The following TMEM117 variants were observed in gnomAD, a reference collection of about 807,000 sequenced individuals.
TMEM117 encodes transmembrane protein 117.
Under a neutral mutation model 52.4 loss-of-function variants are expected in TMEM117, and 27 were observed. The observed-to-expected ratio is 0.51, with a 90% CI of 0.38 to 0.71. TMEM117 has a LOEUF of 0.71. TMEM117 is among the 30% of genes least tolerant of loss of function. TMEM117 has a pLI of 0.00. For synonymous variants in TMEM117, 215 were observed against 206.3 expected (o/e 1.04, Z -0.36); for missense variants, 556 against 630.5 (o/e 0.88, Z 1.26).
chr12:43,949,318 C>A (rs1022261871), intron 3 of TMEM117, among the ~76,000 whole-genome samples: 6 of 152,174 alleles, frequency 3.9e-5, no homozygotes, highest in African/African-American at 1.4e-4. Context: ...GGTTTTTATA[C>A]ATTGGAATGG....
At chr12:44,139,246 T>C (rs1479463198) in intron 3 of TMEM117, among the ~76,000 whole-genome samples, 4 of 152,142 alleles carry the variant, frequency 2.6e-5, no homozygotes, top group Non-Finnish European at 5.9e-5. Context: ...CTAAATCACC[T>C]GGCATTGACT....
At chr12:44,210,026 A>G (rs1949623992) in intron 4 of TMEM117, among the ~76,000 whole-genome samples, 2 of 152,174 alleles carry the variant, frequency 1.3e-5, no homozygotes, top group Non-Finnish European at 2.9e-5. Context: ...GCCACTGTTC[A>G]AAGCTATACT....
intron 6 of TMEM117, among the ~76,000 whole-genome samples, chr12:44,345,488 C>T (rs1357905054): frequency 6.6e-6 from 1 of 152,018 alleles, no homozygotes; most frequent in Admixed American, 6.6e-5. Flanking sequence ...ACAGATAAAA[C>T]ACATATTCAT....
chr12:44,207,399 T>C (rs370202093), intron 4 of TMEM117, among the ~76,000 whole-genome samples: 1 of 152,184 alleles, frequency 6.6e-6, no homozygotes, highest in Non-Finnish European at 1.5e-5. Flanking sequence ...ATGGCAAAAG[T>C]AGAGAATCAT....
the TMEM117 span, among the ~76,000 whole-genome samples, chr12:43,798,257 G>C: frequency 5.3e-4 from 81 of 152,152 alleles, no homozygotes; most frequent in African/African-American, 1.9e-3. Context: ...GAATTGAAAG[G>C]AGTACAAACA....
chr12:44,033,375 C>T (rs1020939330), intron 3 of TMEM117, among the ~76,000 whole-genome samples: 1 of 152,180 alleles, frequency 6.6e-6, no homozygotes, highest in Non-Finnish European at 1.5e-5. Flanking sequence ...CTTTCTTTCA[C>T]TTTATGGACT....
At chr12:44,362,095 C>G (rs903221713) in intron 6 of TMEM117, among the ~76,000 whole-genome samples, 3 of 152,112 alleles carry the variant, frequency 2.0e-5, no homozygotes, top group African/African-American at 7.2e-5. Flanking sequence ...TCCAAGATGC[C>G]TCGCAGGGTG....
intron 5 of TMEM117, among the ~76,000 whole-genome samples, chr12:44,229,510 G>A (rs969722240): frequency 2.0e-5 from 3 of 152,112 alleles, no homozygotes; most frequent in Admixed American, 6.6e-5. Context: ...AATGTACCAT[G>A]CTACAGGAAA....
chr12:44,373,834 T>C (rs1425499774), intron 6 of TMEM117, among the ~76,000 whole-genome samples: 3 of 125,722 alleles, frequency 2.4e-5, no homozygotes, highest in African/African-American at 9.2e-5. Context: ...CAGGCTGGAG[T>C]ACAGTGGTGC....
At chr12:43,941,435 C>T (rs897047053) in intron 2 of TMEM117, among the ~76,000 whole-genome samples, 2 of 152,128 alleles carry the variant, frequency 1.3e-5, no homozygotes, top group African/African-American at 4.8e-5. Context: ...AATTATAAAC[C>T]ACTACTGTCC....
intron 2 of TMEM117, among the ~76,000 whole-genome samples, chr12:43,936,170 G>T (rs1408682859): frequency 2.0e-5 from 3 of 151,764 alleles, no homozygotes; most frequent in Non-Finnish European, 4.4e-5. Context: ...AGATGGAAAA[G>T]GTTGAAGTAA....
chr12:44,236,045 T>C (rs1334178220), intron 5 of TMEM117, among the ~76,000 whole-genome samples: 1 of 151,948 alleles, frequency 6.6e-6, no homozygotes, highest in Non-Finnish European at 1.5e-5. Flanking sequence ...GTCTTTCTCT[T>C]TTATAATGGC....
intron 3 of TMEM117, among the ~76,000 whole-genome samples, chr12:44,108,567 G>C (rs1241351096): frequency 1.1e-5 from 1 of 90,390 alleles, no homozygotes; most frequent in Non-Finnish European, 1.9e-5. Context: ...AGTATTCCAT[G>C]GTGTATATAT....
chr12:44,238,592 C>A (rs1483007852), intron 5 of TMEM117, among the ~76,000 whole-genome samples: 1 of 151,996 alleles, frequency 6.6e-6, no homozygotes, highest in Non-Finnish European at 1.5e-5. Flanking sequence ...AATTATCGTG[C>A]TTGTGAATAG....
chr12:44,231,814 T>A (rs1449338538), intron 5 of TMEM117, among the ~76,000 whole-genome samples: 1 of 151,950 alleles, frequency 6.6e-6, no homozygotes, highest in Non-Finnish European at 1.5e-5. Context: ...GAAGAGTTTT[T>A]AAATATTTTC....
rs570907744 is a variant in TMEM117, at chr12:44,300,580, A to G, written c.768+841A>G. On this transcript the variant is annotated intron_variant, in intron 6 of 7. Transcript: ENST00000266534. ...GGTTTTCTCATTTCTAGAGGCAAAA[A>G]GAGGCCTTTATGAGAGATATTCAGT... Among the ~76,000 whole-genome samples the G allele has an allele frequency of 1.6e-3, 238 of 152,338 alleles. 3 individuals are homozygous for G. The highest frequency in any genetic ancestry group is 5.3e-3 in the African/African-American group (221 of 41,578).
intron 3 of TMEM117, among the ~76,000 whole-genome samples, chr12:44,038,810 A>C (rs1335850226): frequency 6.6e-6 from 1 of 152,238 alleles, no homozygotes; most frequent in Non-Finnish European, 1.5e-5. Context: ...TTTGAATATT[A>C]ATCTTTTTTT....
At chr12:44,338,536 C>T (rs1686975576) in intron 6 of TMEM117, among the ~76,000 whole-genome samples, 1 of 151,408 alleles carries the variant, frequency 6.6e-6, no homozygotes, top group South Asian at 2.1e-4. Context: ...ATGTGTAAAA[C>T]ATTTTAAAAA....
chr12:43,847,346 T>C (rs373154764), intron 2 of TMEM117, among the ~76,000 whole-genome samples: 14 of 152,208 alleles, frequency 9.2e-5, no homozygotes, highest in African/African-American at 3.4e-4. Flanking sequence ...TTTTGAGGTA[T>C]AGAAACAGGA....
Sources: allele counts gnomAD v4.1 joint callset (sites outside exome capture counted in the v4.1 genomes callset), GRCh38; gene constraint gnomAD v4.1.1; transcripts MANE v1.5; gene names NCBI Gene and HGNC (gene_info 2026-07-23, HGNC 2026-07-21).